The following FAM13A variants were observed in gnomAD, a reference collection of about 807,000 sequenced individuals.
FAM13A encodes family with sequence similarity 13 member A.
FAM13A carries 76 observed loss-of-function variants against 129.6 expected under a neutral mutation model. That is an observed-to-expected ratio of 0.59 (90% CI 0.49 to 0.71). The LOEUF (loss-of-function observed/expected upper bound fraction) is 0.71. FAM13A is among the 30% of genes least tolerant of loss of function. The pLI is 0.00. For synonymous variants in FAM13A, 443 were observed against 449.9 expected (o/e 0.98, Z 0.20); for missense variants, 1,108 against 1,249.3 (o/e 0.89, Z 1.70).
At chr4:88,762,912 T>G (rs1390583621) in intron 13 of FAM13A, among the ~76,000 whole-genome samples, 1 of 152,204 alleles carries the variant, frequency 6.6e-6, no homozygotes, top group Non-Finnish European at 1.5e-5. Context: ...AATTTTCAAC[T>G]CCAAGATCCT....
chr4:88,906,872 T>C (rs917606898), intron 5 of FAM13A, among the ~76,000 whole-genome samples: 1 of 152,226 alleles, frequency 6.6e-6, no homozygotes, highest in Admixed American at 6.5e-5. Flanking sequence ...ATTCTGACTC[T>C]TTACATACTT....
At chr4:88,966,654 T>C (rs1248730590) in intron 4 of FAM13A, among the ~76,000 whole-genome samples, 2 of 152,170 alleles carry the variant, frequency 1.3e-5, no homozygotes, top group Non-Finnish European at 2.9e-5. Context: ...GTTACAATGG[T>C]CATTATTTTT....
intron 6 of FAM13A, among the ~76,000 whole-genome samples, chr4:88,861,241 C>A (rs1357108464): frequency 6.6e-6 from 1 of 151,884 alleles, no homozygotes; most frequent in Non-Finnish European, 1.5e-5. Flanking sequence ...ATTAGCCAAG[C>A]ATGGTTGTGC....
chr4:88,749,756 T>C lies in FAM13A; in HGVS notation c.2079+15A>G, dbSNP rs199757279. On this transcript the variant is annotated intron_variant, in intron 16 of 23. Transcript: ENST00000264344. ...AGAGGATGAGGCGAAAAGAACAGTG[T>C]GAGGGGACACTTACTCTGTACTTCT... is the stretch of plus-strand genomic sequence containing the variant. 1.2e-6 allele frequency: 2 copies of C among 1,613,562 alleles called. No individual in the cohort carries two copies. Among genetic ancestry groups the C allele is most frequent in the East Asian group, 4.5e-5 (2 of 44,866 alleles).
chr4:88,975,666 C>T lies in FAM13A; in HGVS notation c.605+15307G>A, dbSNP rs143301283. Among the ~76,000 whole-genome samples the T allele has an allele frequency of 2.9e-3, 435 of 152,216 alleles. 1 individual carries two copies. The highest frequency in any genetic ancestry group is 0.014 in the Middle Eastern group (4 of 294). ...TGAGAAACAAAGAATTGCCAAAATCCGAATTTGCTTTTTCTCTGCAAAGAG... is the reference window on the plus strand; with the variant it reads ...TGAGAAACAAAGAATTGCCAAAATCTGAATTTGCTTTTTCTCTGCAAAGAG... On this transcript the variant is annotated intron_variant, in intron 4 of 23. Transcript: ENST00000264344.
intron 5 of FAM13A, among the ~76,000 whole-genome samples, chr4:88,923,564 G>A (rs1038053045): frequency 2.6e-5 from 4 of 152,086 alleles, no homozygotes; most frequent in African/African-American, 7.2e-5. Flanking sequence ...AAAATAATAA[G>A]AGCTATTTAT....
rs75225907 is a variant in FAM13A, at chr4:88,849,689, C to T, written c.1007+1331G>A. On this transcript the variant is annotated intron_variant, in intron 7 of 23. Coordinates refer to ENST00000264344, the MANE Select transcript of FAM13A (RefSeq NM_014883.4). ...CTATTGCTTTCCTTATTAGAATGTA[C>T]GGTTCCTTAACACAGGGGCCTCGTT... is the stretch of plus-strand genomic sequence containing the variant. Among the ~76,000 whole-genome samples, 37 of 152,194 alleles carry T rather than the reference C, an allele frequency of 2.4e-4. No individual in the cohort carries two copies. The East Asian group carries it at 3.3e-3, about 14-fold the overall frequency.
Position 89,043,482 on chromosome 4 carries a change from T to C in FAM13A, c.27+13456A>G, listed in dbSNP as rs80124016. Among the ~76,000 whole-genome samples the C allele has an allele frequency of 7.8e-4, 119 of 152,170 alleles. No homozygotes were observed. In the East Asian group the frequency reaches 0.021, roughly 26 times the overall value. On this transcript the variant is annotated intron_variant, in intron 1 of 23. Coordinates refer to ENST00000264344, the MANE Select transcript of FAM13A (RefSeq NM_014883.4). The stretch of plus-strand genomic sequence containing the variant: ...AAACCTGAAAGGCTACTTTGGCCCA[T>C]TATTACTATACCCCATAGGAAACTC...
chr4:88,939,113 G>T (rs1754320738), intron 4 of FAM13A, among the ~76,000 whole-genome samples: 1 of 152,098 alleles, frequency 6.6e-6, no homozygotes, highest in African/African-American at 2.4e-5. Flanking sequence ...AAACTAAGTG[G>T]CTTAAAACAA....
chr4:88,788,889 T>G (rs532488411), intron 9 of FAM13A, among the ~76,000 whole-genome samples: 82 of 152,282 alleles, frequency 5.4e-4, no homozygotes, highest in Admixed American at 1.4e-3. Context: ...AGTTTTATAA[T>G]CGACTCATAG....
chr4:88,746,291 G>C (rs892067245), intron 19 of FAM13A, among the ~76,000 whole-genome samples: 16 of 152,218 alleles, frequency 1.1e-4, no homozygotes, highest in African/African-American at 3.9e-4. Flanking sequence ...TCAGGGAAGA[G>C]AGCAGAAGCC....
At chr4:89,019,513 C>A (rs1364181898) in intron 3 of FAM13A, among the ~76,000 whole-genome samples, 1 of 152,102 alleles carries the variant, frequency 6.6e-6, no homozygotes, top group Non-Finnish European at 1.5e-5. Context: ...GTAATCCCAG[C>A]TCTTGGGGAA....
intron 5 of FAM13A, among the ~76,000 whole-genome samples, chr4:88,916,474 G>A (rs530755966): frequency 6.6e-6 from 1 of 152,290 alleles, no homozygotes; most frequent in East Asian, 1.9e-4. Context: ...TCCATGTGTT[G>A]CTCTGATCTA....
At chr4:89,052,261 TTTTTTC>T (rs1253179126) in intron 1 of FAM13A, among the ~76,000 whole-genome samples, 86 of 26,322 alleles carry the variant, frequency 3.3e-3, no homozygotes, top group Middle Eastern at 0.043. Context: ...TTTCTTTTTT[TTTTTTC>T]TTTTTTCTTT....
intron 6 of FAM13A, among the ~76,000 whole-genome samples, chr4:88,865,875 TC>T (rs1471926892): frequency 4.2e-5 from 4 of 95,766 alleles, no homozygotes; most frequent in Non-Finnish European, 5.9e-5. Flanking sequence ...CCTTTGTCTC[TC>T]TCTTTTTTTT....
At chr4:88,927,843 G>T (rs1445157452) in intron 5 of FAM13A, among the ~76,000 whole-genome samples, 17 of 151,530 alleles carry the variant, frequency 1.1e-4, no homozygotes, top group Non-Finnish European at 2.9e-5. Context: ...TTGTATTTTT[G>T]GGGGATTTCT....
chr4:88,814,080 T>C (rs1730184705), intron 7 of FAM13A, among the ~76,000 whole-genome samples: 1 of 152,160 alleles, frequency 6.6e-6, no homozygotes, highest in African/African-American at 2.4e-5. Flanking sequence ...GTACAAAGCG[T>C]TTACGTGCAT....
At chr4:89,036,444 G>A (rs1769397965) in intron 1 of FAM13A, among the ~76,000 whole-genome samples, 1 of 152,156 alleles carries the variant, frequency 6.6e-6, no homozygotes, top group South Asian at 2.1e-4. Flanking sequence ...ATATGCATGA[G>A]CAAAGAGATT....
intron 6 of FAM13A, among the ~76,000 whole-genome samples, chr4:88,867,515 G>A (rs762264739): frequency 2.0e-5 from 3 of 152,218 alleles, no homozygotes; most frequent in South Asian, 2.1e-4. Context: ...TTCTCATTAC[G>A]TGTATTTTTT....
Sources: allele counts gnomAD v4.1 joint callset (sites outside exome capture counted in the v4.1 genomes callset), GRCh38; gene constraint gnomAD v4.1.1; transcripts MANE v1.5; gene names NCBI Gene and HGNC (gene_info 2026-07-23, HGNC 2026-07-21).